RABGAP1L: variants seen among roughly 807,000 people sequenced by gnomAD.
RABGAP1L encodes RAB GTPase activating protein 1 like, also known as rab GTPase-activating protein 1-like.
RABGAP1L carries 63 observed loss-of-function variants against 137.7 expected under a neutral mutation model. That is an observed-to-expected ratio of 0.46 (90% CI 0.37 to 0.56). The LOEUF is 0.56. Among genes scored for constraint, RABGAP1L ranks in the 20% least tolerant of loss-of-function variants. The pLI is 0.00. For missense variants in RABGAP1L, 1,095 were observed against 1,244.0 expected, an observed-to-expected ratio of 0.88 and a Z score of 1.80; for synonymous variants, 431 against 433.7, an observed-to-expected ratio of 0.99 and a Z score of 0.08.
At chr1:174,579,509 G>C (rs1381897591) in intron 13 of RABGAP1L, among the ~76,000 whole-genome samples, 1 of 152,132 alleles carries the variant, frequency 6.6e-6, no homozygotes. Context: ...CTGTGGAAAG[G>C]GTTTGTAGTT....
At chr1:174,194,494 A>G (rs915746875) in intron 1 of RABGAP1L, among the ~76,000 whole-genome samples, 3 of 152,094 alleles carry the variant, frequency 2.0e-5, no homozygotes, top group Non-Finnish European at 4.4e-5. Context: ...TCAGCCTCCC[A>G]AAGTGCTGGG....
Position 174,988,625 on chromosome 1 carries a change from C to T in RABGAP1L, c.2806-16C>T, listed in dbSNP as rs1480204589. 6.7e-7 allele frequency: 1 copy of T among 1,500,294 alleles called. No homozygotes were observed. The highest frequency in any genetic ancestry group is 1.4e-5 in the African/African-American group (1 of 70,714). 92.9% of individuals were successfully genotyped at this position (1,500,294 alleles called of 1,614,324 possible). A position where few individuals can be genotyped will look rare whatever the true frequency, so the allele number is the denominator to read the frequency against. The stretch of plus-strand genomic sequence containing the variant: ...TGGAATAGTTTGATGTTGGTTATCT[C>T]TTTTGGATACTTTAGGGTAAGATGA... On this transcript the variant is annotated splice_polypyrimidine_tract_variant and intron_variant, in intron 24 of 25. Coordinates refer to ENST00000681986, the MANE Select transcript of RABGAP1L (RefSeq NM_001366446.1).
At chr1:174,297,861 C>T (rs1302154416) in intron 10 of RABGAP1L, among the ~76,000 whole-genome samples, 4 of 152,158 alleles carry the variant, frequency 2.6e-5, no homozygotes, top group Admixed American at 2.0e-4. Context: ...GCCTGACTGG[C>T]AAAAACACTT....
chr1:174,665,453 CGCCTT>C (rs369876386), intron 14 of RABGAP1L, among the ~76,000 whole-genome samples: 5 of 146,602 alleles, frequency 3.4e-5, no homozygotes, highest in South Asian at 2.2e-4. Context: ...CGCCCCGCCT[CGCCTT>C]GCCTCTTTCC....
chr1:174,406,093 A>G (rs943354138), intron 13 of RABGAP1L, among the ~76,000 whole-genome samples: 2 of 152,164 alleles, frequency 1.3e-5, no homozygotes, highest in Non-Finnish European at 2.9e-5. Context: ...ATATTTGCTT[A>G]TGGTTAATTT....
chr1:174,475,789 A>G (rs1409000554), intron 13 of RABGAP1L, among the ~76,000 whole-genome samples: 4 of 151,084 alleles, frequency 2.6e-5, no homozygotes, highest in African/African-American at 9.7e-5. Flanking sequence ...AAAAAAAAAA[A>G]AAAAAAAAAG....
In RABGAP1L at chr1:174,946,936, ATATATGTGTGTGTGTG is replaced by A. The variant is rs1424241272; in HGVS notation, c.2341-10519_2341-10504del. 4.1e-4 allele frequency among the ~76,000 whole-genome samples: 27 copies of A among 65,072 alleles called. 1 individual carries two copies. Among genetic ancestry groups the A allele is most frequent in the South Asian group, 4.0e-3 (8 of 2,010 alleles). 42.7% of individuals were successfully genotyped at this position (65,072 alleles called of 152,430 possible). ...AAAAAAAATATATATATATATATAT[ATATATGTGTGTGTGTG>A]TGTGTGTGTGTGTGTGTGTGTGTGT... On this transcript the variant is annotated intron_variant, in intron 19 of 25. Transcript: ENST00000681986.
At chr1:174,848,994 G>T (rs1366743704) in intron 19 of RABGAP1L, among the ~76,000 whole-genome samples, 3 of 152,082 alleles carry the variant, frequency 2.0e-5, no homozygotes, top group Non-Finnish European at 4.4e-5. Context: ...CGATTTTCCA[G>T]GTGCGTCCGT....
chr1:174,646,951 G>C (rs1675016251), intron 14 of RABGAP1L, among the ~76,000 whole-genome samples: 2 of 152,026 alleles, frequency 1.3e-5, no homozygotes, highest in Admixed American at 6.5e-5. Flanking sequence ...GTATTCCTAG[G>C]TATTTTATTC....
At chr1:174,898,608 T>C (rs550139375) in intron 19 of RABGAP1L, among the ~76,000 whole-genome samples, 1 of 152,356 alleles carries the variant, frequency 6.6e-6, no homozygotes, top group Non-Finnish European at 1.5e-5. Flanking sequence ...TACTTTCTTT[T>C]AACTATTTGG....
intron 13 of RABGAP1L, among the ~76,000 whole-genome samples, chr1:174,471,350 C>A (rs1657915624): frequency 6.6e-6 from 1 of 152,158 alleles, no homozygotes; most frequent in Non-Finnish European, 1.5e-5. Context: ...ATGTTCATCC[C>A]CTTCAACAGG....
At chr1:174,800,885 G>C (rs1170468099) in intron 18 of RABGAP1L, among the ~76,000 whole-genome samples, 1 of 152,190 alleles carries the variant, frequency 6.6e-6, no homozygotes, top group Non-Finnish European at 1.5e-5. Context: ...AACTTATCTA[G>C]ACTGTGTGTG....
chr1:174,170,813 T>C (rs1374996851), intron 1 of RABGAP1L, among the ~76,000 whole-genome samples: 3 of 152,100 alleles, frequency 2.0e-5, no homozygotes, highest in Non-Finnish European at 4.4e-5. Context: ...GCACATTTCA[T>C]AGGATAGTTA....
At chr1:174,470,196 T>C (rs1034035779) in intron 13 of RABGAP1L, among the ~76,000 whole-genome samples, 6 of 152,194 alleles carry the variant, frequency 3.9e-5, no homozygotes, top group Non-Finnish European at 8.8e-5. Flanking sequence ...ATCCATCTTT[T>C]TCTCACTTCT....
At chr1:174,795,595 T>G (rs1040667117) in intron 18 of RABGAP1L, among the ~76,000 whole-genome samples, 49 of 152,322 alleles carry the variant, frequency 3.2e-4, no homozygotes, top group African/African-American at 1.1e-3. Context: ...AGACAGGGTC[T>G]CACTTTCTCA....
At chr1:174,410,002 C>T (rs534786451) in intron 13 of RABGAP1L, among the ~76,000 whole-genome samples, 35 of 152,250 alleles carry the variant, frequency 2.3e-4, no homozygotes, top group African/African-American at 8.2e-4. Flanking sequence ...GCCTCAGAAG[C>T]ATGTGATCTT....
intron 13 of RABGAP1L, among the ~76,000 whole-genome samples, chr1:174,575,736 C>T (rs957167734): frequency 5.3e-5 from 8 of 152,088 alleles, no homozygotes; most frequent in South Asian, 2.1e-4. Flanking sequence ...GCCAGCAGCC[C>T]GCAATGCAGC....
At chr1:174,595,671 G>A (rs1444299740) in intron 13 of RABGAP1L, among the ~76,000 whole-genome samples, 1 of 147,992 alleles carries the variant, frequency 6.8e-6, no homozygotes, top group East Asian at 2.0e-4. Context: ...CTGCTCGGGG[G>A]TCAGGGGTCA....
Position 174,241,602 on chromosome 1 carries a change from C to A in RABGAP1L, c.662C>A (p.Ser221Tyr), listed in dbSNP as rs749830161. The change falls in exon 5 of 26, where the codon TCC (serine) becomes TAC (tyrosine). Residue 221 changes from serine to tyrosine, a missense_variant. Around this residue, in one of 4 missense-constraint regions of RABGAP1L, gnomAD observed 356 missense variants for 326.3 expected, o/e 1.09. Transcript: ENST00000681986. Reference protein sequence around the residue: ...ESNCFAFTESSHGSEEFQIHV... With the variant: ...ESNCFAFTESYHGSEEFQIHV... The stretch of plus-strand genomic sequence containing the variant: ...AATTGCTTTGCATTTACAGAGAGTT[C>A]CCATGGTTCGGAAGAATTTCAGATA... 2 of 1,613,782 alleles carry A rather than the reference C, an allele frequency of 1.2e-6. No individual in the cohort carries two copies. Among genetic ancestry groups the A allele is most frequent in the Non-Finnish European group, 1.7e-6 (2 of 1,179,898 alleles).
Sources: gnomAD v4.1 joint callset for allele counts (sites outside exome capture counted in the v4.1 genomes callset) on GRCh38, gnomAD v4.1.1 for gene constraint, gnomAD v4.1.1 regional missense constraint, MANE v1.5 for transcripts, NCBI Gene and HGNC (gene_info 2026-07-23, HGNC 2026-07-21) for gene names.